SSH2: variants seen among roughly 807,000 people sequenced by gnomAD.
SSH2 encodes slingshot protein phosphatase 2, also known as protein phosphatase Slingshot homolog 2.
SSH2 carries 37 observed loss-of-function variants against 135.2 expected under a neutral mutation model. That is an observed-to-expected ratio of 0.27 (90% confidence interval 0.21 to 0.36). The LOEUF is 0.36. Among genes scored for constraint, SSH2 ranks in the 10% least tolerant of loss-of-function variants. The pLI, the probability that SSH2 is intolerant of heterozygous loss-of-function variation, is 1.00. For synonymous variants in SSH2, 628 were observed against 646.2 expected (o/e 0.97, Z 0.43); for missense variants, 1,408 against 1,765.3 (o/e 0.80, Z 3.63).
chr17:29,653,134 C>T (rs1057185777), intron 12 of SSH2, among the ~76,000 whole-genome samples: 1 of 152,106 alleles, frequency 6.6e-6, no homozygotes, highest in African/African-American at 2.4e-5. Flanking sequence ...TTTCCCATCT[C>T]AGCACCAAAT....
intron 1 of SSH2, among the ~76,000 whole-genome samples, chr17:29,891,665 C>T (rs1421996648): frequency 1.3e-5 from 2 of 151,290 alleles, no homozygotes; most frequent in Admixed American, 6.6e-5. Context: ...GCAGAATTTC[C>T]AGACTTCTCA....
At chr17:29,871,836 C>T (rs145396804) in intron 1 of SSH2, among the ~76,000 whole-genome samples, 4 of 152,080 alleles carry the variant, frequency 2.6e-5, no homozygotes, top group African/African-American at 9.6e-5. Flanking sequence ...ATGTTCATGA[C>T]CTATTAGTCG....
At chr17:29,799,572 A>T (rs999234087) in intron 2 of SSH2, among the ~76,000 whole-genome samples, 2 of 152,222 alleles carry the variant, frequency 1.3e-5, no homozygotes, top group African/African-American at 2.4e-5. Context: ...CTAGTTTCAT[A>T]GCCTTGCCCT....
At chr17:29,917,803 C>T (rs575568754) in intron 1 of SSH2, among the ~76,000 whole-genome samples, 56 of 151,462 alleles carry the variant, frequency 3.7e-4, no homozygotes, top group African/African-American at 1.3e-3. Context: ...TGCAGTGAGC[C>T]GAGATTGCGC....
At chr17:29,786,830 C>T (rs1452560895) in intron 3 of SSH2, among the ~76,000 whole-genome samples, 1 of 152,018 alleles carries the variant, frequency 6.6e-6, no homozygotes, top group Non-Finnish European at 1.5e-5. Context: ...TGGTGCATGC[C>T]GGTGGTCTCA....
At chr17:29,739,439 C>A (rs2040483882) in intron 3 of SSH2, among the ~76,000 whole-genome samples, 1 of 152,136 alleles carries the variant, frequency 6.6e-6, no homozygotes, top group South Asian at 2.1e-4. Flanking sequence ...TTTTACTAGA[C>A]TAGAGGATAA....
intron 3 of SSH2, among the ~76,000 whole-genome samples, chr17:29,727,432 A>G (rs2040039842): frequency 6.6e-6 from 1 of 152,220 alleles, no homozygotes; most frequent in Admixed American, 6.5e-5. Flanking sequence ...AAAAATATCT[A>G]TGAGAAGGCA....
At chr17:29,721,214 A>G (rs1463081606) in intron 3 of SSH2, among the ~76,000 whole-genome samples, 1 of 152,226 alleles carries the variant, frequency 6.6e-6, no homozygotes, top group Non-Finnish European at 1.5e-5. Context: ...AGAGGAAAAT[A>G]ACCTAATCAA....
chr17:29,903,765 A>G (rs2066604133), intron 1 of SSH2, among the ~76,000 whole-genome samples: 1 of 152,178 alleles, frequency 6.6e-6, no homozygotes, highest in African/African-American at 2.4e-5. Context: ...CCAAATATGG[A>G]TACAAGTTAT....
At chr17:29,873,553 T>C (rs994345879) in intron 1 of SSH2, among the ~76,000 whole-genome samples, 22 of 150,526 alleles carry the variant, frequency 1.5e-4, no homozygotes, top group Non-Finnish European at 2.5e-4. Flanking sequence ...AGCCAGACTA[T>C]GTTTAAAAAA....
chr17:29,901,565 A>G (rs1342752610), intron 1 of SSH2, among the ~76,000 whole-genome samples: 2 of 152,166 alleles, frequency 1.3e-5, no homozygotes, highest in East Asian at 3.8e-4. Context: ...TAACCATCCC[A>G]TTTCACAGAC....
At chr17:29,662,342 C>T (rs925517663) in intron 11 of SSH2, among the ~76,000 whole-genome samples, 1 of 152,162 alleles carries the variant, frequency 6.6e-6, no homozygotes, top group East Asian at 1.9e-4. Flanking sequence ...TGTGGGAGTT[C>T]TGCTAAGATA....
chr17:29,739,841 C>T (rs1027279636), intron 3 of SSH2, among the ~76,000 whole-genome samples: 1 of 152,194 alleles, frequency 6.6e-6, no homozygotes, highest in Non-Finnish European at 1.5e-5. Context: ...AACACTCACA[C>T]AGAAATCATT....
At chr17:29,645,502 C>T (rs2036334607) in intron 14 of SSH2, 1 of 152,078 alleles carries the variant, frequency 6.6e-6, no homozygotes, top group African/African-American at 2.4e-5. Context: ...TAAAAAAACC[C>T]AACCCAACAG....
chr17:29,876,784 G>A (rs986952471), intron 1 of SSH2, among the ~76,000 whole-genome samples: 1 of 151,778 alleles, frequency 6.6e-6, no homozygotes, highest in Non-Finnish European at 1.5e-5. Context: ...AACATTGGGA[G>A]AACTCTCCAG....
chr17:29,873,421 T>C (rs955414738), intron 1 of SSH2, among the ~76,000 whole-genome samples: 1 of 151,930 alleles, frequency 6.6e-6, no homozygotes, highest in Admixed American at 6.6e-5. Context: ...TAGCCGGGCA[T>C]GGTGGTGCAC....
chr17:29,927,274 T>C (rs1044125885), intron 1 of SSH2, among the ~76,000 whole-genome samples: 6 of 152,160 alleles, frequency 3.9e-5, no homozygotes, highest in Non-Finnish European at 7.4e-5. Flanking sequence ...ATTCCCCTTC[T>C]TCTTCTTTTC....
chr17:29,929,765 G>A, intron 1 of SSH2, 173 bp downstream of exon 1: 1 of 623,638 alleles, frequency 1.6e-6, no homozygotes, highest in Non-Finnish European at 2.8e-6. Context: ...TCAACGTCTT[G>A]TAGTTCCTGC....
intron 3 of SSH2, among the ~76,000 whole-genome samples, chr17:29,711,105 A>G (rs1440449994): frequency 6.6e-6 from 1 of 152,168 alleles, no homozygotes; most frequent in Admixed American, 6.5e-5. Context: ...GAGTAAACCA[A>G]TTACCGGCCG....
Sources: gnomAD v4.1 joint callset for allele counts (sites outside exome capture counted in the v4.1 genomes callset) on GRCh38, gnomAD v4.1.1 for gene constraint, MANE v1.5 for transcripts, NCBI Gene and HGNC (gene_info 2026-07-23, HGNC 2026-07-21) for gene names.